The following DYNLL2 variants were observed in gnomAD, a reference collection of about 807,000 sequenced individuals.
The protein encoded by DYNLL2 is dynein light chain 2, cytoplasmic.
Under a neutral mutation model 9.7 loss-of-function variants are expected in DYNLL2, and 1 was observed. That is an observed-to-expected ratio of 0.10 (90% CI 0.04 to 0.49). DYNLL2 has a LOEUF of 0.49. Ranked by LOEUF, DYNLL2 falls within the 20% of genes least tolerant of loss-of-function variation. The pLI is 0.95. For missense variants in DYNLL2, 37 were observed against 115.2 expected, an observed-to-expected ratio of 0.32 and a Z score of 3.11; for synonymous variants, 35 against 40.5, an observed-to-expected ratio of 0.86 and a Z score of 0.52.
Position 58,089,374 on chromosome 17 carries a change from C to G in DYNLL2, c.*95C>G. On this transcript the variant is annotated 3_prime_UTR_variant, in exon 3 of 3. Transcript: ENST00000579991. ...GCACTGGAGCCAGCATCAGGATGTC[C>G]TCTCCAATGGCTGTGCTACTGCATG... 4.7e-6 allele frequency: 7 copies of G among 1,489,390 alleles called. No homozygotes were observed. The allele number at this position is 1,489,390 out of a possible 1,614,324, so 92.3% of individuals were successfully genotyped here. A position where few individuals can be genotyped will look rare whatever the true frequency, so the allele number is the denominator to read the frequency against.
chr17:58,089,931 T>A lies in DYNLL2; in HGVS notation c.*652T>A. The A allele has an allele frequency of 2.5e-6, 1 of 398,788 alleles. No individual in the cohort carries two copies. Among genetic ancestry groups the A allele is most frequent in the Non-Finnish European group, 4.4e-6 (1 of 226,168 alleles). 24.7% of individuals were successfully genotyped at this position (398,788 alleles called of 1,614,324 possible). On this transcript the variant is annotated 3_prime_UTR_variant, in exon 3 of 3. Coordinates refer to ENST00000579991, the MANE Select transcript of DYNLL2 (RefSeq NM_080677.3). ...GAGCAGATTTGTCTTGCTGTCTTTGTCAGAATTTCTAAGTAAGGGCTGTGT... is the reference window on the plus strand; with the variant it reads ...GAGCAGATTTGTCTTGCTGTCTTTGACAGAATTTCTAAGTAAGGGCTGTGT...
At position 58,095,464 on chromosome 17, in the gene DYNLL2, C is replaced by A. The variant is rs1452722438; in HGVS notation, c.*6185C>A. 1 of 152,182 alleles carries A rather than the reference C, an allele frequency of 6.6e-6. No homozygotes were observed. The highest frequency in any genetic ancestry group is 1.5e-5 in the Non-Finnish European group (1 of 68,036). 9.4% of individuals were successfully genotyped at this position (152,182 alleles called of 1,614,324 possible). A position where few individuals can be genotyped will look rare whatever the true frequency, so the allele number is the denominator to read the frequency against. ...AGCTACGGGGTTACCTTCCTTGAAG[C>A]AGTTAATGTTATGAGATTTTGTGTC... is the stretch of plus-strand genomic sequence containing the variant. On this transcript the variant is annotated 3_prime_UTR_variant, in exon 3 of 3. Transcript: ENST00000579991.
At chr17:58,087,425 G>GGTGT (rs34847794) in intron 2 of DYNLL2, among the ~76,000 whole-genome samples, 142 of 151,010 alleles carry the variant, frequency 9.4e-4, no homozygotes, top group African/African-American at 3.1e-3. Flanking sequence ...AGCTCTGCCA[G>GGTGT]GTGTGTGTGT....
chr17:58,092,159 C>G lies in DYNLL2; in HGVS notation c.*2880C>G, dbSNP rs1388481216. ...GTTCTACCTCTGGGGCAGTGAGGTC[C>G]TAAGGGATTAAGTTGAGAGACTCTA... On this transcript the variant is annotated 3_prime_UTR_variant, in exon 3 of 3. Transcript: ENST00000579991. The G allele has an allele frequency of 2.0e-5, 3 of 152,148 alleles. No homozygotes were observed. The highest frequency in any genetic ancestry group is 2.0e-4 in the Admixed American group (3 of 15,284). 9.4% of individuals were successfully genotyped at this position (152,148 alleles called of 1,614,324 possible).
rs545353427 is a variant in DYNLL2 at position 58,090,240 on chromosome 17, ATATGTGTGTG to A, written c.*973_*982del. 5 of 232,148 alleles carry A rather than the reference ATATGTGTGTG, an allele frequency of 2.2e-5. No individual in the cohort carries two copies. Among genetic ancestry groups the A allele is most frequent in the Non-Finnish European group, 3.3e-5 (4 of 121,090 alleles). The allele number at this position is 232,148 out of a possible 1,614,324, so 14.4% of individuals were successfully genotyped here. A position where few individuals can be genotyped will look rare whatever the true frequency, so the allele number is the denominator to read the frequency against. On this transcript the variant is annotated 3_prime_UTR_variant, in exon 3 of 3. Coordinates refer to ENST00000579991, the MANE Select transcript of DYNLL2 (RefSeq NM_080677.3). ...TGTGTATATGTGTGAATATGTGTGTATATGTGTGTGTATGTGTGTGTGGGGTTTGGGGTAG... is the reference window on the plus strand; with the variant it reads ...TGTGTATATGTGTGAATATGTGTGTATATGTGTGTGTGGGGTTTGGGGTAG...
At chr17:58,084,013 C>A (rs1442097304) in intron 1 of DYNLL2, among the ~76,000 whole-genome samples, 1 of 151,900 alleles carries the variant, frequency 6.6e-6, no homozygotes, top group Admixed American at 6.5e-5. Context: ...TGTCAGGGGC[C>A]GGGGAAGAGG....
intron 2 of DYNLL2, 87 bp from the exon 3 acceptor site, chr17:58,089,055 T>C: frequency 6.5e-7 from 1 of 1,534,684 alleles, no homozygotes. Flanking sequence ...GTGTCGGTGC[T>C]GGAGTTGCAG....
chr17:58,084,098 G>A (rs2075748169), intron 1 of DYNLL2, among the ~76,000 whole-genome samples: 1 of 151,906 alleles, frequency 6.6e-6, no homozygotes, highest in Non-Finnish European at 1.5e-5. Flanking sequence ...TTCCTGCAGC[G>A]AGGACGCCCA....
chr17:58,085,769 C>T (rs1285499784), intron 1 of DYNLL2, among the ~76,000 whole-genome samples: 1 of 152,158 alleles, frequency 6.6e-6, no homozygotes, highest in Non-Finnish European at 1.5e-5. Context: ...TCTTAGGCAC[C>T]TTTTTAAAAT....
rs149238053 is a variant in DYNLL2, at chr17:58,084,373, T to C, written c.-10+690T>C. On this transcript the variant is annotated intron_variant, in intron 1 of 2. Coordinates refer to ENST00000579991, the MANE Select transcript of DYNLL2 (RefSeq NM_080677.3). The stretch of plus-strand genomic sequence containing the variant: ...TCCGTGTCATTCGGAGATTTAGCCT[T>C]TTTTTTTGGTTGCAAAACCAGGAAT... 4.6e-3 allele frequency among the ~76,000 whole-genome samples: 692 copies of C among 151,854 alleles called. 9 individuals carry two copies. Among genetic ancestry groups the C allele is most frequent in the African/African-American group, 0.016 (656 of 41,494 alleles).
chr17:58,086,995 T>C (rs952971324), intron 1 of DYNLL2, 87 bp from the exon 2 acceptor site: 1 of 1,528,938 alleles, frequency 6.5e-7, no homozygotes, highest in Non-Finnish European at 9.0e-7. Context: ...TATACTCCCC[T>C]CTTGCACTGA....
At position 58,091,766 on chromosome 17, in the gene DYNLL2, ACTT is replaced by A. The variant is rs749774573; in HGVS notation, c.*2490_*2492del. The A allele has an allele frequency of 2.6e-5, 4 of 152,162 alleles. No homozygotes were observed. The highest frequency in any genetic ancestry group is 5.9e-5 in the Non-Finnish European group (4 of 68,034). 9.4% of individuals were successfully genotyped at this position (152,162 alleles called of 1,614,324 possible). A position where few individuals can be genotyped will look rare whatever the true frequency, so the allele number is the denominator to read the frequency against. On this transcript the variant is annotated 3_prime_UTR_variant, in exon 3 of 3. Coordinates refer to ENST00000579991, the MANE Select transcript of DYNLL2 (RefSeq NM_080677.3). Reference sequence around the variant, plus strand: ...AACTCGAGAAATCAGCAGTGCCAAGACTTCTGAGAGTGTCTGCCCACCCCTGAC... The same window carrying A: ...AACTCGAGAAATCAGCAGTGCCAAGACTGAGAGTGTCTGCCCACCCCTGAC...
rs1439018932 is a variant in DYNLL2 at position 58,089,507 on chromosome 17, T to C, written c.*228T>C. 22 of 524,526 alleles carry C rather than the reference T, an allele frequency of 4.2e-5. No homozygotes were observed. The highest frequency in any genetic ancestry group is 3.8e-4 in the South Asian group (10 of 26,200). The allele number at this position is 524,526 out of a possible 1,614,324, so 32.5% of individuals were successfully genotyped here. A position where few individuals can be genotyped will look rare whatever the true frequency, so the allele number is the denominator to read the frequency against. On this transcript the variant is annotated 3_prime_UTR_variant, in exon 3 of 3. Transcript: ENST00000579991. ...GCTTTATGTTTATTTTTCAAGACTT[T>C]AAAAATATTTTTTGGTTGTATTGCA...
chr17:58,085,768 C>T (rs185744911), intron 1 of DYNLL2, among the ~76,000 whole-genome samples: 35 of 152,288 alleles, frequency 2.3e-4, no homozygotes, highest in East Asian at 1.9e-4. Context: ...TTCTTAGGCA[C>T]CTTTTTAAAA....
Position 58,095,494 on chromosome 17 carries a change from TTTAGACACA to T in DYNLL2, c.*6216_*6224del, listed in dbSNP as rs1334702740. The T allele has an allele frequency of 6.6e-6, 1 of 152,240 alleles. No individual in the cohort carries two copies. The highest frequency in any genetic ancestry group is 2.4e-5 in the African/African-American group (1 of 41,470). 9.4% of individuals were successfully genotyped at this position (152,240 alleles called of 1,614,324 possible). A position where few individuals can be genotyped will look rare whatever the true frequency, so the allele number is the denominator to read the frequency against. Reference sequence around the variant, plus strand: ...AATGTTATGAGATTTTGTGTCTCCTTTTAGACACAGTTAATAATGAGCATTAAAGTGGCT... The same window carrying T: ...AATGTTATGAGATTTTGTGTCTCCTTGTTAATAATGAGCATTAAAGTGGCT... On this transcript the variant is annotated 3_prime_UTR_variant, in exon 3 of 3. Transcript: ENST00000579991.
Position 58,093,463 on chromosome 17 carries a change from G to A in DYNLL2, c.*4184G>A, listed in dbSNP as rs1295442713. 1 of 152,222 alleles carries A rather than the reference G, an allele frequency of 6.6e-6. No individual in the cohort carries two copies. Among genetic ancestry groups the A allele is most frequent in the Non-Finnish European group, 1.5e-5 (1 of 68,038 alleles). 9.4% of individuals were successfully genotyped at this position (152,222 alleles called of 1,614,324 possible). A position where few individuals can be genotyped will look rare whatever the true frequency, so the allele number is the denominator to read the frequency against. ...AATCATTAGACACATTTTTGGATAA[G>A]CAAACTGAATCAGAGAAGGTGAGTG... On this transcript the variant is annotated 3_prime_UTR_variant, in exon 3 of 3. Transcript: ENST00000579991.
rs2075774873 is a variant in DYNLL2, at chr17:58,090,155, C to T, written c.*876C>T. 2.4e-5 allele frequency: 9 copies of T among 375,850 alleles called. No individual in the cohort carries two copies. Among genetic ancestry groups the T allele is most frequent in the Non-Finnish European group, 4.2e-5 (9 of 212,280 alleles). 23.3% of individuals were successfully genotyped at this position (375,850 alleles called of 1,614,324 possible). ...TGGCTGGCAAGGGAATTTCTGGTGA[C>T]TGTAGTTCCTTAGTTAGGTCTTAGC... is the stretch of plus-strand genomic sequence containing the variant. On this transcript the variant is annotated 3_prime_UTR_variant, in exon 3 of 3. Transcript: ENST00000579991.
chr17:58,088,567 G>A (rs2075768899), intron 2 of DYNLL2, among the ~76,000 whole-genome samples: 1 of 152,192 alleles, frequency 6.6e-6, no homozygotes, highest in Admixed American at 6.5e-5. Flanking sequence ...TGATCTCATG[G>A]TGGAGGTCCT....
At chr17:58,086,388 G>A (rs1308256250) in intron 1 of DYNLL2, among the ~76,000 whole-genome samples, 2 of 152,230 alleles carry the variant, frequency 1.3e-5, no homozygotes, top group African/African-American at 4.8e-5. Flanking sequence ...GGCTGGATCT[G>A]GCTGATGGAC....
Sources: allele counts gnomAD v4.1 joint callset (sites outside exome capture counted in the v4.1 genomes callset), GRCh38; gene constraint gnomAD v4.1.1; transcripts MANE v1.5; gene names NCBI Gene and HGNC (gene_info 2026-07-23, HGNC 2026-07-21).